STIM1: variants seen among roughly 807,000 people sequenced by gnomAD.
The protein encoded by STIM1 is stromal interaction molecule 1.
In STIM1, 25 loss-of-function variants were observed where a neutral mutation model predicts 74.7. The observed-to-expected ratio is 0.33, with a 90% CI of 0.24 to 0.47. STIM1 has a LOEUF of 0.47. Ranked by LOEUF, STIM1 falls within the 20% of genes least tolerant of loss-of-function variation. The pLI is 1.00. For synonymous variants in STIM1, 328 were observed against 348.8 expected, an observed-to-expected ratio of 0.94 and a Z score of 0.66; for missense variants, 728 against 920.8, an observed-to-expected ratio of 0.79 and a Z score of 2.71.
chr11:3,886,773 G>A (rs1323766637), intron 1 of STIM1, among the ~76,000 whole-genome samples: 16 of 151,568 alleles, frequency 1.1e-4, no homozygotes, highest in African/African-American at 3.9e-4. Context: ...GGAGGCCGAG[G>A]CGGGCGGATT....
At chr11:4,001,715 G>C (rs1396958397) in intron 2 of STIM1, among the ~76,000 whole-genome samples, 1 of 151,400 alleles carries the variant, frequency 6.6e-6, no homozygotes, top group Non-Finnish European at 1.5e-5. Context: ...CATAATGACA[G>C]GATCAAATTC....
rs370650737 is a variant in STIM1, at chr11:3,991,553, CAT to C, written c.270+23872_270+23873del. 1.8e-3 allele frequency among the ~76,000 whole-genome samples: 270 copies of C among 152,176 alleles called. 3 individuals are homozygous for C. In the South Asian group the frequency reaches 0.027, roughly 15 times the overall value. ...GTGCTGCAGTGAACATATGAGTGCACATGTCTTTTTAGTAGAATAATTTATTT... is the reference window on the plus strand; with the variant it reads ...GTGCTGCAGTGAACATATGAGTGCACGTCTTTTTAGTAGAATAATTTATTT... On this transcript the variant is annotated intron_variant, in intron 2 of 12. Coordinates refer to ENST00000526596, the MANE Select transcript of STIM1 (RefSeq NM_001382567.1).
chr11:4,007,721 C>G (rs1201433497), intron 2 of STIM1, among the ~76,000 whole-genome samples: 1 of 152,180 alleles, frequency 6.6e-6, no homozygotes, highest in African/African-American at 2.4e-5. Flanking sequence ...CTTTCAAACT[C>G]AGTACTTTAG....
chr11:3,915,367 A>C (rs2092627657), intron 1 of STIM1, among the ~76,000 whole-genome samples: 1 of 151,140 alleles, frequency 6.6e-6, no homozygotes, highest in Non-Finnish European at 1.5e-5. Flanking sequence ...TGGGATTAAT[A>C]GGCCTGAGCC....
chr11:3,973,973 G>A (rs1290318494), intron 2 of STIM1: 1 of 647,114 alleles, frequency 1.5e-6, no homozygotes, highest in Non-Finnish European at 2.8e-6. Context: ...TGGTCTTTGA[G>A]AATCTTCTCT....
At chr11:3,872,885 A>C (rs2091161990) in intron 1 of STIM1, among the ~76,000 whole-genome samples, 1 of 151,736 alleles carries the variant, frequency 6.6e-6, no homozygotes, top group East Asian at 1.9e-4. Context: ...TTGATTCTCA[A>C]AGTCACTTCC....
At chr11:4,049,713 C>CAA (rs1471044244) in intron 3 of STIM1, 3 of 103,514 alleles carry the variant, frequency 2.9e-5, no homozygotes, top group African/African-American at 1.3e-4. Context: ...CCCCCCTGCC[C>CAA]AAACACACAC....
At chr11:3,987,804 G>GACACAC (rs55772228) in intron 2 of STIM1, among the ~76,000 whole-genome samples, 2,270 of 145,366 alleles carry the variant, frequency 0.016, 49 homozygotes, top group African/African-American at 0.05. Context: ...TGTCCTTAAG[G>GACACAC]ACACACACAC....
chr11:3,921,266 C>G (rs751779562), intron 1 of STIM1, among the ~76,000 whole-genome samples: 5 of 152,196 alleles, frequency 3.3e-5, no homozygotes, highest in African/African-American at 7.2e-5. Context: ...TTTGCTAGAG[C>G]AGGTTATACT....
At chr11:4,069,954 G>T (rs1368382276) in intron 5 of STIM1, 72 bp from the exon 6 acceptor site, 2 of 1,523,798 alleles carry the variant, frequency 1.3e-6, no homozygotes, top group South Asian at 1.1e-5. Context: ...ATAGAGGAGG[G>T]ATGCAGTGGA....
chr11:3,904,196 CAAAAAA>C (rs57908154), intron 1 of STIM1, among the ~76,000 whole-genome samples: 58 of 73,846 alleles, frequency 7.9e-4, no homozygotes, highest in South Asian at 7.3e-3. Context: ...GACTCTGTCT[CAAAAAA>C]AAAAAAAAAA....
In STIM1 at chr11:3,939,376, G is replaced by C. The variant is rs549915482; in HGVS notation, c.140-28176G>C. Among the ~76,000 whole-genome samples the C allele has an allele frequency of 2.0e-4, 30 of 152,264 alleles. No homozygotes were observed. In the South Asian group the frequency reaches 2.7e-3, roughly 14 times the overall value. ...CAAATCTTACAGGCCCAACAGTGGG[G>C]TCAGGAAAGTAGGTGACTATGACAT... On this transcript the variant is annotated intron_variant, in intron 1 of 12. Transcript: ENST00000526596.
intron 3 of STIM1, among the ~76,000 whole-genome samples, chr11:4,030,726 A>ATTTTATATTTTAT (rs2094042965): frequency 6.6e-6 from 1 of 152,194 alleles, no homozygotes; most frequent in African/African-American, 2.4e-5. Context: ...TATCACAGTC[A>ATTTTATATTTTAT]TTTTATATTT....
intron 2 of STIM1, among the ~76,000 whole-genome samples, chr11:4,004,486 A>G (rs2135927964): frequency 6.6e-6 from 1 of 150,964 alleles, no homozygotes; most frequent in East Asian, 1.9e-4. Context: ...GCAATGGGGA[A>G]AGGATTCCCT....
chr11:4,005,769 A>G (rs546082052), intron 2 of STIM1, among the ~76,000 whole-genome samples: 1 of 152,294 alleles, frequency 6.6e-6, no homozygotes, highest in African/African-American at 2.4e-5. Context: ...CTAATATGGT[A>G]GATAGACTGA....
chr11:3,961,771 A>T (rs972357779), intron 1 of STIM1, among the ~76,000 whole-genome samples: 3 of 151,858 alleles, frequency 2.0e-5, no homozygotes, highest in African/African-American at 7.3e-5. Flanking sequence ...GCCTCCTAAG[A>T]TGCTGGGATT....
chr11:3,899,362 A>G (rs1248112477), intron 1 of STIM1, among the ~76,000 whole-genome samples: 148 of 152,284 alleles, frequency 9.7e-4, no homozygotes, highest in Admixed American at 2.7e-3. Context: ...TTGTACATTG[A>G]TTTTGTATCC....
rs766815705 is a variant in STIM1, at chr11:4,085,678, C to G, written c.1568-799C>G. Among the ~76,000 whole-genome samples the G allele has an allele frequency of 4.9e-4, 75 of 152,182 alleles. 1 individual carries two copies. Among genetic ancestry groups the G allele is most frequent in the Non-Finnish European group, 2.4e-4 (16 of 68,032 alleles). The stretch of plus-strand genomic sequence containing the variant: ...CACTGCCACTTATTGAGTGCCATGA[C>G]CTGTTTCAGGTGCCTTAAAGACATT... On this transcript the variant is annotated intron_variant, in intron 11 of 12. Coordinates refer to ENST00000526596, the MANE Select transcript of STIM1 (RefSeq NM_001382567.1).
At chr11:4,055,490 T>C (rs200227241) in intron 3 of STIM1, 36 bp from the exon 4 acceptor site, 20 of 1,501,532 alleles carry the variant, frequency 1.3e-5, no homozygotes, top group Non-Finnish European at 1.8e-5. Context: ...GTGCTTGGCA[T>C]TCTAGAGTCA....
Sources: gnomAD v4.1 joint callset for allele counts (sites outside exome capture counted in the v4.1 genomes callset) on GRCh38, gnomAD v4.1.1 for gene constraint, MANE v1.5 for transcripts, NCBI Gene and HGNC (gene_info 2026-07-23, HGNC 2026-07-21) for gene names.